IRX3: variants seen among roughly 807,000 people sequenced by gnomAD.
The protein encoded by IRX3 is iroquois-class homeodomain protein IRX-3.
In IRX3, 20 loss-of-function variants were observed where a neutral mutation model predicts 36.4. That is an observed-to-expected ratio of 0.55 (90% CI 0.39 to 0.80). The LOEUF (loss-of-function observed/expected upper bound fraction) is 0.80. Ranked by LOEUF, IRX3 falls within the 30% of genes least tolerant of loss-of-function variation. IRX3 has a pLI of 0.00. For synonymous variants in IRX3, 404 were observed against 351.6 expected (o/e 1.15, Z -1.67); for missense variants, 718 against 733.2 (o/e 0.98, Z 0.24).
Position 54,285,741 on chromosome 16 carries a change from C to T in IRX3, c.267+43G>A, listed in dbSNP as rs1348058234. The T allele has an allele frequency of 6.7e-7, 1 of 1,488,644 alleles. No individual in the cohort carries two copies. Among genetic ancestry groups the T allele is most frequent in the Non-Finnish European group, 8.9e-7 (1 of 1,128,632 alleles). 92.2% of individuals were successfully genotyped at this position (1,488,644 alleles called of 1,614,324 possible). A position where few individuals can be genotyped will look rare whatever the true frequency, so the allele number is the denominator to read the frequency against. On this transcript the variant is annotated intron_variant, in intron 1 of 3. Coordinates refer to ENST00000329734, the MANE Select transcript of IRX3 (RefSeq NM_024336.3). This position sits in a 1 kb window ranked among gnomAD's most constrained non-coding sequence, Gnocchi z 5.7. The stretch of plus-strand genomic sequence containing the variant: ...CCCCGCGCGCTCAGCTCGCCCTGCG[C>T]CCCAGCGCCAACCCCTCCTTCCCTG...
chr16:54,283,582 C>T lies in IRX3; in HGVS notation c.*104G>A. On this transcript the variant is annotated 3_prime_UTR_variant, in exon 4 of 4. Coordinates refer to ENST00000329734, the MANE Select transcript of IRX3 (RefSeq NM_024336.3). This position sits in a 1 kb window ranked among gnomAD's most constrained non-coding sequence, Gnocchi z 4.4. ...TTAGTTTTGCTTTTAGGTATTTATA[C>T]ACGGACATGCTTACAAGTTGTAACT... The T allele has an allele frequency of 1.6e-6, 1 of 627,750 alleles. No individual in the cohort carries two copies. The highest frequency in any genetic ancestry group is 2.9e-6 in the Non-Finnish European group (1 of 346,354). 38.9% of individuals were successfully genotyped at this position (627,750 alleles called of 1,614,324 possible). A position where few individuals can be genotyped will look rare whatever the true frequency, so the allele number is the denominator to read the frequency against.
Position 54,285,633 on chromosome 16 carries a change from G to C in IRX3, c.268-20C>G. 4.0e-6 allele frequency: 6 copies of C among 1,492,330 alleles called. No individual in the cohort carries two copies. The highest frequency in any genetic ancestry group is 5.4e-6 in the Non-Finnish European group (6 of 1,120,864). 92.4% of individuals were successfully genotyped at this position (1,492,330 alleles called of 1,614,324 possible). On this transcript the variant is annotated intron_variant, in intron 1 of 3. Coordinates refer to ENST00000329734, the MANE Select transcript of IRX3 (RefSeq NM_024336.3). This position sits in a 1 kb window ranked among gnomAD's most constrained non-coding sequence, Gnocchi z 5.7. ...CGCGCCCTGTACGCACATGGAGAAG[G>C]AAGGGACACGCGCGGAGGGAGCGCG...
rs1053702691 is a variant in IRX3 at position 54,284,750 on chromosome 16, C to T, written c.1131G>A (p.Ala377=). The T allele has an allele frequency of 3.0e-5, 44 of 1,456,308 alleles. No homozygotes were observed. In the African/African-American group the frequency reaches 6.1e-4, roughly 20 times the overall value. The allele number at this position is 1,456,308 out of a possible 1,614,324, so 90.2% of individuals were successfully genotyped here. A position where few individuals can be genotyped will look rare whatever the true frequency, so the allele number is the denominator to read the frequency against. ...AGAGCTGCAGGGCGGAAGGCGCGAC[C>T]GCTGCCCCCGGTGGAGACCCCCCCG... ...PGAGGSPPGA[A]VAPSALQLSP... Residue 377 remains alanine, a synonymous_variant, in exon 2 of 4, where the codon GCG becomes GCA. Coordinates refer to ENST00000329734, the MANE Select transcript of IRX3 (RefSeq NM_024336.3). This position sits in a 1 kb window ranked among gnomAD's most constrained non-coding sequence, Gnocchi z 4.0.
In IRX3 at chr16:54,284,222, C is replaced by A. The variant is rs1288370222; in HGVS notation, c.1451+24G>T. On this transcript the variant is annotated intron_variant, in intron 3 of 3. Transcript: ENST00000329734. This position sits in a 1 kb window ranked among gnomAD's most constrained non-coding sequence, Gnocchi z 4.0. ...TTTCCCCGCCAGCCAGTCCCCCTGG[C>A]CCCTCAACCTCGGGGTTTCTTACCG... 3.3e-5 allele frequency: 53 copies of A among 1,603,364 alleles called. No homozygotes were observed. The Admixed American group carries it at 8.9e-4, about 27-fold the overall frequency.
rs561881884 is a variant in IRX3, at chr16:54,284,735, G to A, written c.1146C>T (p.Ala382=). ...CGGCGGCGGCCGGAGAGAGCTGCAG[G>A]GCGGAAGGCGCGACCGCTGCCCCCG... The part of the protein sequence containing the change: ...SPPGAAVAPS[A]LQLSPAAAAA... Residue 382 remains alanine (A), a synonymous_variant, in exon 2 of 4, where the codon GCC becomes GCT. Coordinates refer to ENST00000329734, the MANE Select transcript of IRX3 (RefSeq NM_024336.3). This position sits in a 1 kb window ranked among gnomAD's most constrained non-coding sequence, Gnocchi z 4.0. The A allele has an allele frequency of 2.4e-4, 346 of 1,454,698 alleles. 4 individuals are homozygous for A. The South Asian group carries it at 4.8e-3, about 20-fold the overall frequency. 90.1% of individuals were successfully genotyped at this position (1,454,698 alleles called of 1,614,324 possible).
Position 54,284,172 on chromosome 16 carries a change from G to A in IRX3, c.1451+74C>T, listed in dbSNP as rs1596757483. ...CCCCCCTACCCCGGGGCAAAAGGCC[G>A]TGCGTGGTGCTCGGCGTCCTCTCCT... is the stretch of plus-strand genomic sequence containing the variant. On this transcript the variant is annotated intron_variant, in intron 3 of 3. Coordinates refer to ENST00000329734, the MANE Select transcript of IRX3 (RefSeq NM_024336.3). The surrounding 1 kb of genome is among the most constrained non-coding windows in gnomAD (Gnocchi z 4.0). 2.1e-6 allele frequency: 3 copies of A among 1,436,232 alleles called. No individual in the cohort carries two copies. The highest frequency in any genetic ancestry group is 2.3e-5 in the East Asian group (1 of 42,920). The allele number at this position is 1,436,232 out of a possible 1,614,324, so 89.0% of individuals were successfully genotyped here.
chr16:54,284,531 G>A lies in IRX3; in HGVS notation c.1350C>T (p.Ala450=). The change falls in exon 2 of 4, where the codon GCC becomes GCT. Residue 450 remains alanine, a synonymous_variant. Coordinates refer to ENST00000329734, the MANE Select transcript of IRX3 (RefSeq NM_024336.3). The surrounding 1 kb of genome is among the most constrained non-coding windows in gnomAD (Gnocchi z 4.0). The part of the protein sequence containing the change: ...GAAGHPAAAA[A]FARPAEPEGG... The stretch of plus-strand genomic sequence containing the variant: ...CTTCGGGCTCCGCTGGCCGAGCGAA[G>A]GCGGCGGCGGCAGCCGGGTGGCCCG... The A allele has an allele frequency of 7.1e-7, 1 of 1,416,582 alleles. No individual in the cohort carries two copies. Among genetic ancestry groups the A allele is most frequent in the African/African-American group, 1.5e-5 (1 of 66,606 alleles). The allele number at this position is 1,416,582 out of a possible 1,614,324, so 87.8% of individuals were successfully genotyped here. A position where few individuals can be genotyped will look rare whatever the true frequency, so the allele number is the denominator to read the frequency against.
rs1265443436 is a variant in IRX3 at position 54,284,717 on chromosome 16, G to A, written c.1164C>T (p.Ala388=). ...GTCTGTGAGCGGCGGCGGCGGCGGCGGCCGGAGAGAGCTGCAGGGCGGAAG... is the reference window on the plus strand; with the variant it reads ...GTCTGTGAGCGGCGGCGGCGGCGGCAGCCGGAGAGAGCTGCAGGGCGGAAG... The part of the protein sequence containing the change: ...VAPSALQLSP[A]AAAAAAHRLV... The change falls in exon 2 of 4, where the codon GCC becomes GCT. Residue 388 remains alanine (A), a synonymous_variant. Coordinates refer to ENST00000329734, the MANE Select transcript of IRX3 (RefSeq NM_024336.3). The surrounding 1 kb of genome is among the most constrained non-coding windows in gnomAD (Gnocchi z 4.0). 5 of 1,430,016 alleles carry A rather than the reference G, an allele frequency of 3.5e-6. No individual in the cohort carries two copies. Among genetic ancestry groups the A allele is most frequent in the African/African-American group, 1.5e-5 (1 of 66,260 alleles). 88.6% of individuals were successfully genotyped at this position (1,430,016 alleles called of 1,614,324 possible).
At position 54,286,253 on chromosome 16, in the gene IRX3, G is replaced by A; in HGVS notation, c.-203C>T. 9.9e-7 allele frequency: 1 copy of A among 1,008,920 alleles called. No homozygotes were observed. The highest frequency in any genetic ancestry group is 1.2e-6 in the Non-Finnish European group (1 of 846,112). The allele number at this position is 1,008,920 out of a possible 1,614,324, so 62.5% of individuals were successfully genotyped here. On this transcript the variant is annotated 5_prime_UTR_variant, in exon 1 of 4. Coordinates refer to ENST00000329734, the MANE Select transcript of IRX3 (RefSeq NM_024336.3). ...GGCGAGGGCGGCGGCGAGGAGCCAG[G>A]TCAGGTCCGAACAGATTGGCGGAGA...
In IRX3 at chr16:54,284,980, C is replaced by T; in HGVS notation, c.901G>A (p.Glu301Lys). ...SDSEDSSEGL[E>K]DRPLPVLSLA... ...CTCAGGACCGGTAGTGGCCGGTCCTCTAAGCCCTCAGAGCTATCTTCCGAG... is the reference window on the plus strand; with the variant it reads ...CTCAGGACCGGTAGTGGCCGGTCCTTTAAGCCCTCAGAGCTATCTTCCGAG... The change falls in exon 2 of 4, where the codon GAG (glutamate) becomes AAG (lysine). Residue 301 changes from glutamate (E) to lysine (K), a missense_variant. Glu to Lys is a moderately conservative substitution (Grantham distance 56). Around this residue, in one of 3 missense-constraint regions of IRX3, gnomAD observed 468 missense variants for 462.1 expected, o/e 1.01. Coordinates refer to ENST00000329734, the MANE Select transcript of IRX3 (RefSeq NM_024336.3). This position sits in a 1 kb window ranked among gnomAD's most constrained non-coding sequence, Gnocchi z 4.0. 1 of 1,612,950 alleles carries T rather than the reference C, an allele frequency of 6.2e-7. No homozygotes were observed. Among genetic ancestry groups the T allele is most frequent in the South Asian group, 1.1e-5 (1 of 90,970 alleles).
chr16:54,285,727 C>G lies in IRX3; in HGVS notation c.267+57G>C. On this transcript the variant is annotated intron_variant, in intron 1 of 3. Coordinates refer to ENST00000329734, the MANE Select transcript of IRX3 (RefSeq NM_024336.3). This position sits in a 1 kb window ranked among gnomAD's most constrained non-coding sequence, Gnocchi z 5.7. The stretch of plus-strand genomic sequence containing the variant: ...CCCTCTAGTCCGGCCCCCGCGCGCT[C>G]AGCTCGCCCTGCGCCCCAGCGCCAA... The G allele has an allele frequency of 6.8e-7, 1 of 1,469,180 alleles. No individual in the cohort carries two copies. Among genetic ancestry groups the G allele is most frequent in the South Asian group, 1.4e-5 (1 of 70,238 alleles). 91.0% of individuals were successfully genotyped at this position (1,469,180 alleles called of 1,614,324 possible).
Position 54,284,457 on chromosome 16 carries a change from A to T in IRX3, c.1384+40T>A. 1 of 1,396,060 alleles carries T rather than the reference A, an allele frequency of 7.2e-7. No individual in the cohort carries two copies. Among genetic ancestry groups the T allele is most frequent in the Non-Finnish European group, 9.2e-7 (1 of 1,084,362 alleles). The allele number at this position is 1,396,060 out of a possible 1,614,324, so 86.5% of individuals were successfully genotyped here. A position where few individuals can be genotyped will look rare whatever the true frequency, so the allele number is the denominator to read the frequency against. ...CCCGGCCAGCTCCGGCACTACCCGC[A>T]GAGCCCGCCCCCGCTCCGCGCCCAG... On this transcript the variant is annotated intron_variant, in intron 2 of 3. Coordinates refer to ENST00000329734, the MANE Select transcript of IRX3 (RefSeq NM_024336.3). The surrounding 1 kb of genome is among the most constrained non-coding windows in gnomAD (Gnocchi z 4.0).
chr16:54,284,811 G>T lies in IRX3; in HGVS notation c.1070C>A (p.Thr357Lys). The T allele has an allele frequency of 6.7e-7, 1 of 1,500,306 alleles. No individual in the cohort carries two copies. The allele number at this position is 1,500,306 out of a possible 1,614,324, so 92.9% of individuals were successfully genotyped here. A position where few individuals can be genotyped will look rare whatever the true frequency, so the allele number is the denominator to read the frequency against. The change falls in exon 2 of 4, where the codon ACA becomes AAA. Residue 357 changes from threonine (T) to lysine (K), a missense_variant. Transcript: ENST00000329734. The surrounding 1 kb of genome is among the most constrained non-coding windows in gnomAD (Gnocchi z 4.0). Reference protein sequence around the residue: ...PKIWSLAETATSPDNPRRSPP... With the variant: ...PKIWSLAETAKSPDNPRRSPP... ...CGAGCGGCGCGGGTTGTCCGGGCTT[G>T]TGGCAGTCTCCGCGAGGGACCAGAT...
rs1462273260 is a variant in IRX3 at position 54,285,715 on chromosome 16, C to T, written c.267+69G>A. The T allele has an allele frequency of 1.8e-5, 27 of 1,462,684 alleles. No homozygotes were observed. Among genetic ancestry groups the T allele is most frequent in the African/African-American group, 8.5e-5 (6 of 70,544 alleles). 90.6% of individuals were successfully genotyped at this position (1,462,684 alleles called of 1,614,324 possible). ...CCTGGCCTGCACCCCTCTAGTCCGG[C>T]CCCCGCGCGCTCAGCTCGCCCTGCG... On this transcript the variant is annotated intron_variant, in intron 1 of 3. Transcript: ENST00000329734. The surrounding 1 kb of genome is among the most constrained non-coding windows in gnomAD (Gnocchi z 5.7).
rs1901322378 is a variant in IRX3, at chr16:54,285,875, G to A, written c.176C>T (p.Ala59Val). The A allele has an allele frequency of 4.5e-6, 7 of 1,540,544 alleles. No homozygotes were observed. Among genetic ancestry groups the A allele is most frequent in the South Asian group, 2.4e-5 (2 of 83,212 alleles). ...LSNVLSSVYG[A>V]PYAAAAAAAA... ...GGCCGCAGCGGCCGCGGCGTAGGGCGCCCCGTACACGGACGAGAGCACGTT... is the reference window on the plus strand; with the variant it reads ...GGCCGCAGCGGCCGCGGCGTAGGGCACCCCGTACACGGACGAGAGCACGTT... Residue 59 changes from alanine to valine, a missense_variant, in exon 1 of 4, where the codon GCG becomes GTG. Around this residue, in one of 3 missense-constraint regions of IRX3, gnomAD observed 204 missense variants for 181.4 expected, o/e 1.12. Coordinates refer to ENST00000329734, the MANE Select transcript of IRX3 (RefSeq NM_024336.3). The surrounding 1 kb of genome is among the most constrained non-coding windows in gnomAD (Gnocchi z 5.7).
At position 54,284,445 on chromosome 16, in the gene IRX3, G is replaced by A; in HGVS notation, c.1384+52C>T. 2 of 1,400,952 alleles carry A rather than the reference G, an allele frequency of 1.4e-6. No homozygotes were observed. The highest frequency in any genetic ancestry group is 1.6e-5 in the South Asian group (1 of 62,388). The allele number at this position is 1,400,952 out of a possible 1,614,324, so 86.8% of individuals were successfully genotyped here. On this transcript the variant is annotated intron_variant, in intron 2 of 3. Coordinates refer to ENST00000329734, the MANE Select transcript of IRX3 (RefSeq NM_024336.3). This position sits in a 1 kb window ranked among gnomAD's most constrained non-coding sequence, Gnocchi z 4.0. The stretch of plus-strand genomic sequence containing the variant: ...GGCCCTGCCCCTCCCGGCCAGCTCC[G>A]GCACTACCCGCAGAGCCCGCCCCCG...
Position 54,284,834 on chromosome 16 carries a change from G to A in IRX3, c.1047C>T (p.Ile349=), listed in dbSNP as rs569209098. 3.9e-6 allele frequency: 6 copies of A among 1,533,060 alleles called. No individual in the cohort carries two copies. The African/African-American group carries it at 6.8e-5, about 17-fold the overall frequency. The allele number at this position is 1,533,060 out of a possible 1,614,324, so 95.0% of individuals were successfully genotyped here. Residue 349 remains isoleucine, a synonymous_variant, in exon 2 of 4, where the codon ATC becomes ATT. Transcript: ENST00000329734. This position sits in a 1 kb window ranked among gnomAD's most constrained non-coding sequence, Gnocchi z 4.0. ...APASALQKPK[I]WSLAETATSP... ...TTGTGGCAGTCTCCGCGAGGGACCA[G>A]ATCTTGGGCTTCTGCAGGGCGGAGG...
chr16:54,283,546 ACTTT>A lies in IRX3; in HGVS notation c.*136_*139del. On this transcript the variant is annotated 3_prime_UTR_variant, in exon 4 of 4. Coordinates refer to ENST00000329734, the MANE Select transcript of IRX3 (RefSeq NM_024336.3). This position sits in a 1 kb window ranked among gnomAD's most constrained non-coding sequence, Gnocchi z 4.4. ...AGGACTGGTTTTATTTCTTTTTCTTACTTTCTTTGTTTAGTTTTGCTTTTAGGTA... is the reference window on the plus strand; with the variant it reads ...AGGACTGGTTTTATTTCTTTTTCTTACTTTGTTTAGTTTTGCTTTTAGGTA... The A allele has an allele frequency of 7.0e-6, 4 of 571,454 alleles. No individual in the cohort carries two copies. The highest frequency in any genetic ancestry group is 1.3e-5 in the Non-Finnish European group (4 of 313,464). 35.4% of individuals were successfully genotyped at this position (571,454 alleles called of 1,614,324 possible). A position where few individuals can be genotyped will look rare whatever the true frequency, so the allele number is the denominator to read the frequency against.
chr16:54,283,979 G>T lies in IRX3; in HGVS notation c.1452-239C>A. 1 of 1,437,638 alleles carries T rather than the reference G, an allele frequency of 7.0e-7. No homozygotes were observed. The highest frequency in any genetic ancestry group is 2.9e-5 in the Admixed American group (1 of 34,914). 89.1% of individuals were successfully genotyped at this position (1,437,638 alleles called of 1,614,324 possible). A position where few individuals can be genotyped will look rare whatever the true frequency, so the allele number is the denominator to read the frequency against. The stretch of plus-strand genomic sequence containing the variant: ...TCAGAGAACCGCCACCCGCCCCAGG[G>T]GCCTGTGGGCCCAGCCACGCAAGGC... On this transcript the variant is annotated intron_variant, in intron 3 of 3. Coordinates refer to ENST00000329734, the MANE Select transcript of IRX3 (RefSeq NM_024336.3). The surrounding 1 kb of genome is among the most constrained non-coding windows in gnomAD (Gnocchi z 4.4).
Sources: gnomAD v4.1 joint callset for allele counts on GRCh38, gnomAD v4.1.1 for gene constraint, gnomAD v4.1.1 regional missense constraint, Gnocchi (gnomAD v3.1) non-coding constraint, MANE v1.5 for transcripts, NCBI Gene and HGNC (gene_info 2026-07-23, HGNC 2026-07-21) for gene names.